FRMD6: variants seen among roughly 807,000 people sequenced by gnomAD.
The protein encoded by FRMD6 is FERM domain containing 6.
FRMD6 carries 37 observed loss-of-function variants against 73.2 expected under a neutral mutation model. The observed-to-expected ratio is 0.51, with a 90% confidence interval of 0.39 to 0.66. FRMD6 has a LOEUF of 0.66. FRMD6 is among the 30% of genes least tolerant of loss of function. The probability of loss-of-function intolerance (pLI) is 0.00; values close to 1 mark genes in which losing one functional copy is unlikely to be tolerated. For synonymous variants in FRMD6, 273 were observed against 282.2 expected (o/e 0.97, Z 0.33); for missense variants, 714 against 780.5 (o/e 0.91, Z 1.02).
the FRMD6 span, among the ~76,000 whole-genome samples, chr14:51,466,782 G>A: frequency 1.3e-5 from 2 of 152,126 alleles, no homozygotes; most frequent in South Asian, 4.2e-4. Flanking sequence ...ACAACTTGCT[G>A]GGATTTTGAT....
At chr14:51,529,286 C>T (rs905291722) in intron 1 of FRMD6, among the ~76,000 whole-genome samples, 1 of 152,168 alleles carries the variant, frequency 6.6e-6, no homozygotes, top group Non-Finnish European at 1.5e-5. Flanking sequence ...TCTGTGCCTA[C>T]GTTGACACAT....
chr14:51,652,239 T>A (rs528670319), intron 1 of FRMD6: 1 of 152,338 alleles, frequency 6.6e-6, no homozygotes, highest in Admixed American at 6.5e-5. Context: ...TCTCCGTGAG[T>A]CGGAGGTCGC....
chr14:51,494,361 G>A (rs1473778789), intron 1 of FRMD6, among the ~76,000 whole-genome samples: 1 of 152,206 alleles, frequency 6.6e-6, no homozygotes, highest in East Asian at 1.9e-4. Context: ...TACAGTGGTA[G>A]GATAGGCTTA....
the FRMD6 span, among the ~76,000 whole-genome samples, chr14:51,398,764 G>A: frequency 6.6e-6 from 1 of 152,124 alleles, no homozygotes; most frequent in Non-Finnish European, 1.5e-5. Flanking sequence ...GGGAAAAAGA[G>A]TCTCAACCAG....
chr14:51,615,620 A>G (rs1213549871), intron 2 of FRMD6, among the ~76,000 whole-genome samples: 1 of 152,192 alleles, frequency 6.6e-6, no homozygotes, highest in Non-Finnish European at 1.5e-5. Context: ...TTCGACAAGC[A>G]TATGGTGAGC....
At chr14:51,520,535 G>A (rs538191591) in intron 1 of FRMD6, among the ~76,000 whole-genome samples, 2 of 152,254 alleles carry the variant, frequency 1.3e-5, no homozygotes, top group East Asian at 3.9e-4. Context: ...TAGAAACACC[G>A]AAATGTCCAT....
intron 1 of FRMD6, among the ~76,000 whole-genome samples, chr14:51,524,800 G>A (rs1458721012): frequency 6.6e-6 from 1 of 152,028 alleles, no homozygotes; most frequent in Admixed American, 6.6e-5. Flanking sequence ...ACTTGTGATT[G>A]GCCAAAACTC....
intron 2 of FRMD6, among the ~76,000 whole-genome samples, chr14:51,590,022 C>T (rs941990025): frequency 1.4e-5 from 2 of 141,476 alleles, no homozygotes; most frequent in Non-Finnish European, 3.0e-5. Flanking sequence ...AAGCCAAGAT[C>T]GTGCTACCGC....
At chr14:51,539,993 T>C (rs922399825) in intron 1 of FRMD6, among the ~76,000 whole-genome samples, 1 of 152,190 alleles carries the variant, frequency 6.6e-6, no homozygotes, top group African/African-American at 2.4e-5. Flanking sequence ...AAAGGCACAC[T>C]TTGTGTGCTG....
At chr14:51,428,069 G>C in the FRMD6 span, among the ~76,000 whole-genome samples, 1 of 152,204 alleles carries the variant, frequency 6.6e-6, no homozygotes, top group African/African-American at 2.4e-5. Context: ...AGTCTGGGCT[G>C]TGGGAAGAAT....
At position 51,701,049 on chromosome 14, in the gene FRMD6, T is replaced by C. The variant is rs376949796; in HGVS notation, c.191-7T>C. On this transcript the variant is annotated splice_polypyrimidine_tract_variant and splice_region_variant and intron_variant, in intron 3 of 13. Transcript: ENST00000344768. Reference sequence around the variant, plus strand: ...TAGCATGTCGTCTCCTTTTTTTTAATGTACAGATAATGAACATGTGTATAT... The same window carrying C: ...TAGCATGTCGTCTCCTTTTTTTTAACGTACAGATAATGAACATGTGTATAT... The C allele has an allele frequency of 1.5e-5, 21 of 1,365,554 alleles. No homozygotes were observed. Among genetic ancestry groups the C allele is most frequent in the South Asian group, 1.6e-5 (1 of 64,180 alleles). The allele number at this position is 1,365,554 out of a possible 1,614,324, so 84.6% of individuals were successfully genotyped here. A position where few individuals can be genotyped will look rare whatever the true frequency, so the allele number is the denominator to read the frequency against.
intron 1 of FRMD6, among the ~76,000 whole-genome samples, chr14:51,495,938 G>A (rs761575527): frequency 3.3e-5 from 5 of 152,138 alleles, no homozygotes; most frequent in Non-Finnish European, 7.4e-5. Flanking sequence ...CTCCAAGATA[G>A]CCCCTAATGA....
chr14:51,652,662 C>T (rs567309635), intron 1 of FRMD6, among the ~76,000 whole-genome samples: 2 of 152,314 alleles, frequency 1.3e-5, no homozygotes, highest in East Asian at 3.9e-4. Flanking sequence ...AGACGGGGGC[C>T]TGGGTGAGAT....
chr14:51,585,946 T>TATAC (rs1889022236), intron 2 of FRMD6, among the ~76,000 whole-genome samples: 1 of 107,282 alleles, frequency 9.3e-6, no homozygotes, highest in Admixed American at 1.1e-4. Flanking sequence ...TGTGTATATA[T>TATAC]ATATATATAT....
At chr14:51,706,999 C>A (rs1896661707) in intron 6 of FRMD6, among the ~76,000 whole-genome samples, 1 of 151,908 alleles carries the variant, frequency 6.6e-6, no homozygotes, top group African/African-American at 2.4e-5. Context: ...TATTGAAATC[C>A]AGTTAGTATG....
intron 1 of FRMD6, among the ~76,000 whole-genome samples, chr14:51,682,892 C>T (rs1361925846): frequency 6.6e-6 from 1 of 152,140 alleles, no homozygotes; most frequent in Non-Finnish European, 1.5e-5. Flanking sequence ...AGTTACATCC[C>T]TCTCCTACAT....
the FRMD6 span, among the ~76,000 whole-genome samples, chr14:51,460,830 A>T: frequency 6.6e-6 from 1 of 152,214 alleles, no homozygotes; most frequent in Admixed American, 6.5e-5. Flanking sequence ...AGCATTTTAA[A>T]ACTGTGGTAA....
chr14:51,483,976 TA>T, the FRMD6 span, among the ~76,000 whole-genome samples: 11 of 152,198 alleles, frequency 7.2e-5, no homozygotes, highest in Non-Finnish European at 1.3e-4. Flanking sequence ...TGGGGCAGAG[TA>T]AGAGTTCGCT....
In FRMD6 at chr14:51,720,109, A is replaced by G. The variant is rs765741445; in HGVS notation, c.1079A>G (p.Asp360Gly). ...AGTGACAACCTGGACCTCGACATGGACCAGCTGGAAAAACGGTCGCGGGCC... is the reference window on the plus strand; with the variant it reads ...AGTGACAACCTGGACCTCGACATGGGCCAGCTGGAAAAACGGTCGCGGGCC... ...YISDNLDLDM[D>G]QLEKRSRASG... The change falls in exon 11 of 14, where the codon GAC becomes GGC. Residue 360 changes from aspartate to glycine, a missense_variant. Physicochemically the swap from Asp to Gly is moderately conservative, Grantham distance 94 (BLOSUM62 -1). Transcript: ENST00000344768. 5.6e-6 allele frequency: 9 copies of G among 1,613,632 alleles called. No individual in the cohort carries two copies. The East Asian group carries it at 2.0e-4, about 36-fold the overall frequency.
Sources: gnomAD v4.1 joint callset for allele counts (sites outside exome capture counted in the v4.1 genomes callset) on GRCh38, gnomAD v4.1.1 for gene constraint, MANE v1.5 for transcripts, NCBI Gene and HGNC (gene_info 2026-07-23, HGNC 2026-07-21) for gene names.